Variants in RGS7BP observed in about 807,000 individuals in gnomAD.
The protein encoded by RGS7BP is regulator of G protein signaling 7-binding protein.
RGS7BP carries 9 observed loss-of-function variants against 31.3 expected under a neutral mutation model. That is an observed-to-expected ratio of 0.29 (90% CI 0.17 to 0.50). The LOEUF is 0.50. RGS7BP is among the 20% of genes least tolerant of loss of function. The pLI is 0.98. For synonymous variants in RGS7BP, 115 were observed against 120.1 expected (o/e 0.96, Z 0.28); for missense variants, 274 against 322.0 (o/e 0.85, Z 1.14).
chr5:64,575,222 T>C (rs1742387836), intron 2 of RGS7BP, among the ~76,000 whole-genome samples: 1 of 152,144 alleles, frequency 6.6e-6, no homozygotes, highest in African/African-American at 2.4e-5. Flanking sequence ...GAAATTTTAA[T>C]TTTTTCATTA....
At chr5:64,566,083 T>C (rs937552584) in intron 2 of RGS7BP, among the ~76,000 whole-genome samples, 1 of 151,992 alleles carries the variant, frequency 6.6e-6, no homozygotes, top group Non-Finnish European at 1.5e-5. Flanking sequence ...TCTAAATTCA[T>C]CATATCAACT....
intron 2 of RGS7BP, among the ~76,000 whole-genome samples, chr5:64,558,581 T>G (rs1459987451): frequency 1.3e-5 from 2 of 152,096 alleles, no homozygotes; most frequent in East Asian, 1.9e-4. Flanking sequence ...AAGCCTGTGT[T>G]TTTGAACAAT....
At chr5:64,563,514 G>A in intron 2 of RGS7BP, among the ~76,000 whole-genome samples, 1 of 152,174 alleles carries the variant, frequency 6.6e-6, no homozygotes, top group East Asian at 1.9e-4. Flanking sequence ...GCTCTGTGTA[G>A]GTGAAAGCAG....
chr5:64,560,842 T>C (rs1374499872), intron 2 of RGS7BP, among the ~76,000 whole-genome samples: 3 of 152,156 alleles, frequency 2.0e-5, no homozygotes, highest in African/African-American at 7.2e-5. Context: ...GAAGAGGCCA[T>C]TGCATTGCAT....
chr5:64,525,939 C>T (rs1299962969), intron 2 of RGS7BP, among the ~76,000 whole-genome samples: 2 of 152,116 alleles, frequency 1.3e-5, no homozygotes, highest in Non-Finnish European at 2.9e-5. Flanking sequence ...CAGCAGGAAG[C>T]CCCCAGGAGC....
intron 2 of RGS7BP, among the ~76,000 whole-genome samples, chr5:64,560,701 G>T (rs971089678): frequency 6.6e-6 from 1 of 151,996 alleles, no homozygotes; most frequent in Non-Finnish European, 1.5e-5. Flanking sequence ...ATCCAACTGA[G>T]CCATTAGTCA....
intron 5 of RGS7BP, among the ~76,000 whole-genome samples, chr5:64,607,445 G>T (rs1042470976): frequency 2.6e-5 from 4 of 152,048 alleles, no homozygotes; most frequent in African/African-American, 9.7e-5. Flanking sequence ...ATGTATATCG[G>T]TTTGGTCTGG....
intron 2 of RGS7BP, among the ~76,000 whole-genome samples, chr5:64,561,827 A>T (rs531207214): frequency 6.7e-6 from 1 of 149,048 alleles, no homozygotes; most frequent in African/African-American, 2.6e-5. Context: ...GCTAATCACT[A>T]TCTCCTCCTG....
chr5:64,547,169 G>A (rs1171978435), intron 2 of RGS7BP, among the ~76,000 whole-genome samples: 2 of 152,190 alleles, frequency 1.3e-5, no homozygotes, highest in Non-Finnish European at 2.9e-5. Flanking sequence ...CCAGTTTGGA[G>A]CTGTTGTGAA....
intron 2 of RGS7BP, among the ~76,000 whole-genome samples, chr5:64,511,085 A>G (rs932775839): frequency 1.1e-4 from 16 of 152,264 alleles, no homozygotes; most frequent in African/African-American, 3.9e-4. Flanking sequence ...GGAAGAGGAA[A>G]AACAAGGAGT....
chr5:64,541,952 G>GTT (rs11461228), intron 2 of RGS7BP, among the ~76,000 whole-genome samples: 47 of 151,534 alleles, frequency 3.1e-4, no homozygotes, highest in East Asian at 1.7e-3. Context: ...TTCTATTCTA[G>GTT]TTTTTTTTAC....
intron 5 of RGS7BP, among the ~76,000 whole-genome samples, chr5:64,600,567 A>G (rs1743191815): frequency 6.6e-6 from 1 of 152,202 alleles, no homozygotes; most frequent in South Asian, 2.1e-4. Flanking sequence ...TGAAAAGGGA[A>G]TAGTCATCAA....
intron 5 of RGS7BP, among the ~76,000 whole-genome samples, chr5:64,606,021 C>CTT: frequency 8.7e-6 from 1 of 115,288 alleles, no homozygotes; most frequent in Admixed American, 8.4e-5. Context: ...TATCTGGATA[C>CTT]ATATATATAT....
intron 2 of RGS7BP, among the ~76,000 whole-genome samples, chr5:64,520,359 C>G (rs995834356): frequency 2.6e-5 from 4 of 152,264 alleles, no homozygotes; most frequent in East Asian, 1.9e-4. Flanking sequence ...AGCCAGCACA[C>G]AGCCGATTTG....
Position 64,556,417 on chromosome 5 carries a change from CCACACACACA to C in RGS7BP, c.333-19322_333-19313del, listed in dbSNP as rs10624566. On this transcript the variant is annotated intron_variant, in intron 2 of 5. Transcript: ENST00000334025. ...AAAAAAAAAAAGCAATCTTCCCCAG[CCACACACACA>C]CACACACACACACACACACACACAC... Among the ~76,000 whole-genome samples, 262 of 125,428 alleles carry C rather than the reference CCACACACACA, an allele frequency of 2.1e-3. 1 individual carries two copies. The highest frequency in any genetic ancestry group is 7.0e-3 in the African/African-American group (234 of 33,440). 82.3% of individuals were successfully genotyped at this position (125,428 alleles called of 152,430 possible).
intron 2 of RGS7BP, among the ~76,000 whole-genome samples, chr5:64,535,878 A>T (rs796202589): frequency 6.6e-6 from 1 of 152,214 alleles, no homozygotes; most frequent in East Asian, 1.9e-4. Flanking sequence ...AATCTACTTT[A>T]TTGGAAGAAA....
intron 2 of RGS7BP, among the ~76,000 whole-genome samples, chr5:64,519,336 G>A (rs1052477538): frequency 6.6e-6 from 1 of 152,226 alleles, no homozygotes; most frequent in African/African-American, 2.4e-5. Context: ...GAAGCATAAA[G>A]ATGAATCAAC....
intron 2 of RGS7BP, among the ~76,000 whole-genome samples, chr5:64,556,419 A>C (rs1270651160): frequency 6.6e-4 from 23 of 34,796 alleles, no homozygotes; most frequent in African/African-American, 3.3e-3. Context: ...TTCCCCAGCC[A>C]CACACACACA....
chr5:64,528,220 T>C (rs1439454825), intron 2 of RGS7BP, among the ~76,000 whole-genome samples: 1 of 152,120 alleles, frequency 6.6e-6, no homozygotes, highest in Non-Finnish European at 1.5e-5. Flanking sequence ...GCTGCCCTCA[T>C]TTCATTGGAG....
Sources: allele counts gnomAD v4.1 joint callset (sites outside exome capture counted in the v4.1 genomes callset), GRCh38; gene constraint gnomAD v4.1.1; transcripts MANE v1.5; gene names NCBI Gene and HGNC (gene_info 2026-07-23, HGNC 2026-07-21).